Variants in DENND4A observed in about 807,000 individuals in gnomAD.
DENND4A encodes the protein DENN domain containing 4A, also known as C-myc promoter-binding protein.
Under a neutral mutation model 199.3 loss-of-function variants are expected in DENND4A, and 70 were observed. The observed-to-expected ratio is 0.35, with a 90% CI of 0.29 to 0.43. The LOEUF is 0.43. Ranked by LOEUF, DENND4A falls within the 20% of genes least tolerant of loss-of-function variation. DENND4A has a pLI of 1.00. For missense variants in DENND4A, 1,723 were observed against 2,255.8 expected, an observed-to-expected ratio of 0.76 and a Z score of 4.78; for synonymous variants, 686 against 766.9, an observed-to-expected ratio of 0.89 and a Z score of 1.74.
In DENND4A at chr15:65,737,885, G is replaced by C. The variant is rs2076157737; in HGVS notation, c.862C>G (p.Gln288Glu). ...PYSEENLTEK[Q>E]RLLLGLTSAD... ...GATGTTAAACCCAAAAGAAGTCTCT[G>C]CTTTTCTGTGAGATTCTCCTCAGAG... Residue 288 changes from glutamine (Q) to glutamate (E), a missense_variant, in exon 7 of 33, where the codon CAG (glutamine) becomes GAG (glutamate). Coordinates refer to ENST00000443035, the MANE Select transcript of DENND4A (RefSeq NM_001320835.1). 4 of 1,604,176 alleles carry C rather than the reference G, an allele frequency of 2.5e-6. No individual in the cohort carries two copies. Among genetic ancestry groups the C allele is most frequent in the Non-Finnish European group, 3.4e-6 (4 of 1,174,800 alleles).
intron 4 of DENND4A, among the ~76,000 whole-genome samples, chr15:65,746,756 G>A (rs1596587364): frequency 6.6e-6 from 1 of 151,632 alleles, no homozygotes; most frequent in East Asian, 1.9e-4. Context: ...GAGCCATGTG[G>A]AAAGAGTATT....
intron 13 of DENND4A, among the ~76,000 whole-genome samples, chr15:65,717,420 A>C (rs1352578400): frequency 6.6e-6 from 1 of 152,214 alleles, no homozygotes; most frequent in Non-Finnish European, 1.5e-5. Context: ...AAAACAAATG[A>C]GGTTATTCAA....
rs2075151760 is a variant in DENND4A at position 65,709,076 on chromosome 15, C to T, written c.1954-2852G>A. ...ATTTTTGTTCAATAGTAGTCATGAACCATATGAGACAGTTAACGTATATTT... is the reference window on the plus strand; with the variant it reads ...ATTTTTGTTCAATAGTAGTCATGAATCATATGAGACAGTTAACGTATATTT... On this transcript the variant is annotated intron_variant, in intron 14 of 32. Coordinates refer to ENST00000443035, the MANE Select transcript of DENND4A (RefSeq NM_001320835.1). 3.3e-5 allele frequency among the ~76,000 whole-genome samples: 5 copies of T among 152,094 alleles called. No homozygotes were observed. The South Asian group carries it at 1.0e-3, about 32-fold the overall frequency.
At chr15:65,762,120 G>A (rs915308223) in intron 1 of DENND4A, among the ~76,000 whole-genome samples, 32 of 152,096 alleles carry the variant, frequency 2.1e-4, no homozygotes, top group African/African-American at 7.5e-4. Context: ...AGATTCTCCT[G>A]CCTCAGCCTC....
intron 1 of DENND4A, among the ~76,000 whole-genome samples, chr15:65,783,485 T>C (rs567322476): frequency 5.9e-5 from 9 of 152,322 alleles, no homozygotes; most frequent in African/African-American, 1.7e-4. Flanking sequence ...TCCAGGTCTA[T>C]ACACTGAAAA....
At chr15:65,665,166 T>C (rs1596378850) in intron 30 of DENND4A, 179 bp downstream of exon 30, 7 of 528,818 alleles carry the variant, frequency 1.3e-5, no homozygotes, top group East Asian at 6.2e-5. Context: ...TAGACCTCCA[T>C]AGAAGGTAGC....
rs2140432713 is a variant in DENND4A, at chr15:65,736,101, A to C, written c.1040+1606T>G. Among the ~76,000 whole-genome samples the C allele has an allele frequency of 1.3e-5, 2 of 152,254 alleles. 1 individual carries two copies. The highest frequency in any genetic ancestry group is 4.1e-4 in the South Asian group (2 of 4,824). On this transcript the variant is annotated intron_variant, in intron 7 of 32. Coordinates refer to ENST00000443035, the MANE Select transcript of DENND4A (RefSeq NM_001320835.1). Reference sequence around the variant, plus strand: ...TTCTAAGATGGGGGTGATATTAACAAATGTGATTTTTTAATATTAATAATA... The same window carrying C: ...TTCTAAGATGGGGGTGATATTAACACATGTGATTTTTTAATATTAATAATA...
intron 13 of DENND4A, among the ~76,000 whole-genome samples, chr15:65,716,717 T>C (rs1463780872): frequency 6.6e-6 from 1 of 151,868 alleles, no homozygotes; most frequent in Non-Finnish European, 1.5e-5. Context: ...CGTGTGCATG[T>C]GTCTTTATAG....
chr15:65,769,198 TACAC>T (rs3082834), intron 1 of DENND4A, among the ~76,000 whole-genome samples: 28,489 of 146,188 alleles, frequency 0.19, 3,415 homozygotes, highest in East Asian at 0.67. Context: ...ATATAAGGTA[TACAC>T]ACACACACAC....
intron 23 of DENND4A, among the ~76,000 whole-genome samples, chr15:65,687,913 T>C (rs1401779642): frequency 1.3e-5 from 2 of 152,208 alleles, no homozygotes; most frequent in Non-Finnish European, 2.9e-5. Context: ...GTCTCTTGTA[T>C]CTATAAATCT....
intron 4 of DENND4A, among the ~76,000 whole-genome samples, chr15:65,745,080 GATGA>G (rs2076354247): frequency 6.6e-6 from 1 of 152,136 alleles, no homozygotes; most frequent in Non-Finnish European, 1.5e-5. Flanking sequence ...TTAAAAATCT[GATGA>G]ATAACAATGA....
rs765836181 is a variant in DENND4A, at chr15:65,667,947, G to C, written c.4964C>G (p.Pro1655Arg). The change falls in exon 28 of 33, where the codon CCA (proline) becomes CGA (arginine). Residue 1655 changes from proline (P) to arginine (R), a missense_variant. This residue lies in a region of DENND4A where 141 missense variants were observed against 170.7 expected (regional missense o/e 0.83). Coordinates refer to ENST00000443035, the MANE Select transcript of DENND4A (RefSeq NM_001320835.1). ...RQKLISTGSL[P>R]ATLQGATDSL... ...TACTGTAGCTCCTTGTAAAGTAGCT[G>C]GCAGGCTGCCTGTAGAAATGAGCTT... is the stretch of plus-strand genomic sequence containing the variant. 16 of 1,608,764 alleles carry C rather than the reference G, an allele frequency of 9.9e-6. No individual in the cohort carries two copies. Among genetic ancestry groups the C allele is most frequent in the Admixed American group, 1.7e-5 (1 of 58,436 alleles).
chr15:65,710,286 G>A (rs1202101364), intron 14 of DENND4A, among the ~76,000 whole-genome samples: 2 of 152,076 alleles, frequency 1.3e-5, no homozygotes, highest in African/African-American at 4.8e-5. Context: ...AAAATAAAAG[G>A]GAACAATATA....
intron 9 of DENND4A, among the ~76,000 whole-genome samples, chr15:65,730,123 A>G (rs547086512): frequency 6.6e-6 from 1 of 152,286 alleles, no homozygotes; most frequent in South Asian, 2.1e-4. Context: ...CACTTCCCTT[A>G]AGGTAAATAC....
At position 65,691,043 on chromosome 15, in the gene DENND4A, G is replaced by C; in HGVS notation, c.3551C>G (p.Thr1184Arg). The change falls in exon 23 of 33, where the codon ACA becomes AGA. Residue 1184 changes from threonine (T) to arginine (R), a missense_variant. By Grantham distance (71) the Thr-to-Arg change is moderately conservative. Around this residue, in one of 6 missense-constraint regions of DENND4A, gnomAD observed 650 missense variants for 738.1 expected, o/e 0.88. Transcript: ENST00000443035. ...TDVSKAGCVA[T>R]QNPKRIQRMN... ...ACGTTGAATCCTCTTGGGATTTTGT[G>C]TAGCAACACATCCTGCTTTTGATAC... 1 of 1,612,564 alleles carries C rather than the reference G, an allele frequency of 6.2e-7. No homozygotes were observed. Among genetic ancestry groups the C allele is most frequent in the South Asian group, 1.1e-5 (1 of 90,918 alleles).
intron 14 of DENND4A, among the ~76,000 whole-genome samples, chr15:65,712,587 TC>T (rs1422998387): frequency 6.6e-6 from 1 of 152,192 alleles, no homozygotes; most frequent in Non-Finnish European, 1.5e-5. Flanking sequence ...ATTTTCCTAT[TC>T]ATAGTGAGAA....
intron 5 of DENND4A, among the ~76,000 whole-genome samples, chr15:65,741,001 C>T (rs989485880): frequency 6.6e-6 from 1 of 151,964 alleles, no homozygotes; most frequent in Admixed American, 6.6e-5. Flanking sequence ...AAACTTGAGT[C>T]TAGAACTCTA....
intron 14 of DENND4A, among the ~76,000 whole-genome samples, chr15:65,708,546 T>C (rs1156267879): frequency 6.6e-6 from 1 of 152,200 alleles, no homozygotes; most frequent in Non-Finnish European, 1.5e-5. Flanking sequence ...CATTTTAACA[T>C]TATAAAAATA....
At chr15:65,708,660 C>G (rs1032374745) in intron 14 of DENND4A, among the ~76,000 whole-genome samples, 1 of 131,468 alleles carries the variant, frequency 7.6e-6, no homozygotes. Context: ...ACACCCACAG[C>G]AGGATAAAAT....
Sources: allele counts gnomAD v4.1 joint callset (sites outside exome capture counted in the v4.1 genomes callset), GRCh38; gene constraint gnomAD v4.1.1; regional missense constraint gnomAD v4.1.1; transcripts MANE v1.5; gene names NCBI Gene and HGNC (gene_info 2026-07-23, HGNC 2026-07-21).